The following THSD4 variants were observed in gnomAD, a reference collection of about 807,000 sequenced individuals.
The protein encoded by THSD4 is thrombospondin type-1 domain-containing protein 4.
A neutral mutation model predicts 119.0 loss-of-function variants in THSD4; 69 were observed. The ratio of observed to expected loss-of-function variants is 0.58; its 90% CI spans 0.48 to 0.71. THSD4 has a LOEUF of 0.71. Among genes scored for constraint, THSD4 ranks in the 30% least tolerant of loss-of-function variants. The pLI, the probability that THSD4 is intolerant of heterozygous loss-of-function variation, is 0.00. For missense variants in THSD4, 1,393 were observed against 1,391.1 expected (o/e 1.00, Z -0.02); for synonymous variants, 524 against 540.4 (o/e 0.97, Z 0.42).
At chr15:71,114,437 A>G (rs566931128), upstream of THSD4, among the ~76,000 whole-genome samples, 1 of 152,176 alleles carries the variant, frequency 6.6e-6, no homozygotes, top group Non-Finnish European at 1.5e-5. Flanking sequence ...ACTGAAATTT[A>G]GGGAAACGCC....
At chr15:71,665,978 C>A (rs1231472249) in intron 8 of THSD4, among the ~76,000 whole-genome samples, 1 of 152,042 alleles carries the variant, frequency 6.6e-6, no homozygotes, top group African/African-American at 2.4e-5. Flanking sequence ...ATTGCCTTGG[C>A]CTTTGGGGCT....
At chr15:71,494,910 G>A (rs899259179) in intron 7 of THSD4, among the ~76,000 whole-genome samples, 1 of 152,122 alleles carries the variant, frequency 6.6e-6, no homozygotes, top group Non-Finnish European at 1.5e-5. Flanking sequence ...CTCTTTCAGG[G>A]CCTAAGAAGT....
chr15:71,404,831 CTGT>C (rs2046582653), intron 6 of THSD4, among the ~76,000 whole-genome samples: 1 of 152,108 alleles, frequency 6.6e-6, no homozygotes, highest in Non-Finnish European at 1.5e-5. Flanking sequence ...AAATAAATTT[CTGT>C]TGTCTTCTCT....
chr15:71,707,704 A>G (rs2052420710), intron 8 of THSD4, among the ~76,000 whole-genome samples: 1 of 152,316 alleles, frequency 6.6e-6, no homozygotes, highest in Non-Finnish European at 1.5e-5. Context: ...CTGGGGTTGA[A>G]TAGGTCATTT....
rs2045413318 is a variant in THSD4, at chr15:71,330,988, A to T, written c.1015+74273A>T. The stretch of plus-strand genomic sequence containing the variant: ...GTCGAGGAAGGAGGGAGGCTGTGCT[A>T]ATTTGCTCTCCCACCTGTGTGGCTC... On this transcript the variant is annotated intron_variant, in intron 6 of 17. Transcript: ENST00000261862. Among the ~76,000 whole-genome samples, 4 of 152,158 alleles carry T rather than the reference A, an allele frequency of 2.6e-5. No individual in the cohort carries two copies. The South Asian group carries it at 8.3e-4, about 32-fold the overall frequency.
chr15:71,519,086 A>T (rs531219336), intron 7 of THSD4, among the ~76,000 whole-genome samples: 2 of 152,340 alleles, frequency 1.3e-5, no homozygotes, highest in East Asian at 3.9e-4. Context: ...AGCTCTCAGA[A>T]GGATTTTCTG....
At chr15:71,547,946 G>T (rs1241439674) in intron 7 of THSD4, among the ~76,000 whole-genome samples, 1 of 150,694 alleles carries the variant, frequency 6.6e-6, no homozygotes, top group Non-Finnish European at 1.5e-5. Context: ...AGAAAAATCT[G>T]TGCTTAACTT....
intron 6 of THSD4, among the ~76,000 whole-genome samples, chr15:71,405,014 G>A (rs947850742): frequency 5.3e-5 from 8 of 151,946 alleles, no homozygotes; most frequent in Non-Finnish European, 1.2e-4. Context: ...TCAGCCTCCT[G>A]AGTTGCTGGG....
At chr15:71,339,247 G>T (rs1187035948) in intron 6 of THSD4, among the ~76,000 whole-genome samples, 1 of 151,602 alleles carries the variant, frequency 6.6e-6, no homozygotes, top group African/African-American at 2.4e-5. Flanking sequence ...TGTATTTTTT[G>T]TCTCTGTCTA....
chr15:71,262,653 G>GAA (rs397779145), intron 6 of THSD4, among the ~76,000 whole-genome samples: 114 of 151,296 alleles, frequency 7.5e-4, no homozygotes, highest in East Asian at 9.7e-4. Flanking sequence ...GAACTAAAGA[G>GAA]TGGCAACTGA....
In THSD4 at chr15:71,377,903, C is replaced by CAG. The variant is rs1566961493; in HGVS notation, c.1016-33783_1016-33782insGA. Among the ~76,000 whole-genome samples, 177 of 88,356 alleles carry CAG rather than the reference C, an allele frequency of 2.0e-3. 4 individuals are homozygous for CAG. Among genetic ancestry groups the CAG allele is most frequent in the African/African-American group, 7.8e-3 (167 of 21,538 alleles). The allele number at this position is 88,356 out of a possible 152,430, so 58.0% of individuals were successfully genotyped here. A position where few individuals can be genotyped will look rare whatever the true frequency, so the allele number is the denominator to read the frequency against. ...ACACACACACACACACACACACACA[C>CAG]ACACACACACAATTTCCTTCAGTGA... is the stretch of plus-strand genomic sequence containing the variant. On this transcript the variant is annotated intron_variant, in intron 6 of 17. Coordinates refer to ENST00000261862, the MANE Select transcript of THSD4 (RefSeq NM_024817.3).
At chr15:71,596,033 C>T (rs2049901073) in intron 7 of THSD4, among the ~76,000 whole-genome samples, 1 of 152,218 alleles carries the variant, frequency 6.6e-6, no homozygotes, top group Admixed American at 6.5e-5. Context: ...GCTTCTTTTC[C>T]AGCAAAAGTT....
intron 7 of THSD4, among the ~76,000 whole-genome samples, chr15:71,626,282 C>T (rs1316609897): frequency 6.6e-6 from 1 of 152,072 alleles, no homozygotes. Context: ...CAATGGCAAC[C>T]TTTTCTCATG....
chr15:71,220,135 C>T (rs1368024147), intron 4 of THSD4, among the ~76,000 whole-genome samples: 1 of 152,108 alleles, frequency 6.6e-6, no homozygotes, highest in Non-Finnish European at 1.5e-5. Context: ...GGGGGCCTTA[C>T]ACTTTGGTGG....
intron 7 of THSD4, among the ~76,000 whole-genome samples, chr15:71,642,872 G>A (rs1229402660): frequency 6.6e-6 from 1 of 152,068 alleles, no homozygotes; most frequent in Non-Finnish European, 1.5e-5. Context: ...AATGGGTGCA[G>A]CACACCAGCA....
At chr15:71,241,330 C>T (rs1485036993) in intron 4 of THSD4, among the ~76,000 whole-genome samples, 2 of 152,230 alleles carry the variant, frequency 1.3e-5, no homozygotes, top group Admixed American at 1.3e-4. Context: ...GGAACCTGCG[C>T]TCCTCAACTC....
At chr15:71,722,043 C>T (rs1401234059) in intron 8 of THSD4, among the ~76,000 whole-genome samples, 1 of 152,048 alleles carries the variant, frequency 6.6e-6, no homozygotes, top group Non-Finnish European at 1.5e-5. Context: ...TTGACATAGC[C>T]ATGAGGTTGC....
intron 7 of THSD4, among the ~76,000 whole-genome samples, chr15:71,426,484 C>T (rs1222087493): frequency 6.6e-6 from 1 of 151,942 alleles, no homozygotes; most frequent in Admixed American, 6.6e-5. Context: ...AGACCCTGCT[C>T]ATTTTTCTGC....
chr15:71,180,787 A>G (rs1357503028), intron 3 of THSD4, among the ~76,000 whole-genome samples: 1 of 152,176 alleles, frequency 6.6e-6, no homozygotes, highest in Non-Finnish European at 1.5e-5. Context: ...GCTATTCAAT[A>G]GTGAGGGGCA....
Sources: allele counts gnomAD v4.1 joint callset (sites outside exome capture counted in the v4.1 genomes callset), GRCh38; gene constraint gnomAD v4.1.1; transcripts MANE v1.5; gene names NCBI Gene and HGNC (gene_info 2026-07-23, HGNC 2026-07-21).